BANK1: variants seen among roughly 807,000 people sequenced by gnomAD.
The protein encoded by BANK1 is B cell scaffold protein with ankyrin repeats 1.
BANK1 carries 95 observed loss-of-function variants against 94.5 expected under a neutral mutation model. The ratio of observed to expected loss-of-function variants is 1.00; its 90% CI spans 0.85 to 1.19. The LOEUF (loss-of-function observed/expected upper bound fraction) is 1.19, where lower values mean the gene tolerates loss of function less well. BANK1 is among the 50% of genes most tolerant of loss of function. BANK1 has a pLI of 0.00. For missense variants in BANK1, 987 were observed against 932.2 expected (o/e 1.06, Z -0.77); for synonymous variants, 334 against 308.4 (o/e 1.08, Z -0.87).
intron 1 of BANK1, among the ~76,000 whole-genome samples, chr4:101,822,923 T>G (rs1342189766): frequency 3.3e-5 from 5 of 152,140 alleles, no homozygotes; most frequent in Non-Finnish European, 7.4e-5. Context: ...CCACCACATT[T>G]TCTTTATCCA....
chr4:102,054,695 CAAA>C (rs1227425340), intron 11 of BANK1, among the ~76,000 whole-genome samples: 1 of 152,134 alleles, frequency 6.6e-6, no homozygotes, highest in East Asian at 1.9e-4. Context: ...AATGAAGACT[CAAA>C]GAAGCAGTTA....
chr4:101,978,839 C>T (rs1271156835), intron 7 of BANK1, among the ~76,000 whole-genome samples: 1 of 152,002 alleles, frequency 6.6e-6, no homozygotes, highest in East Asian at 1.9e-4. Context: ...TTATGTCACA[C>T]TTAACTAACA....
chr4:101,950,076 T>C (rs1211635657), intron 7 of BANK1, among the ~76,000 whole-genome samples: 1 of 150,338 alleles, frequency 6.7e-6, no homozygotes, highest in African/African-American at 2.5e-5. Context: ...TGCGCGCGCA[T>C]GTGCCTACAC....
chr4:101,930,021 T>G (rs1167413428), intron 7 of BANK1, among the ~76,000 whole-genome samples: 2 of 151,338 alleles, frequency 1.3e-5, no homozygotes, highest in Non-Finnish European at 3.0e-5. Flanking sequence ...ATGTAATAAT[T>G]AATATATTAA....
chr4:101,952,934 C>G (rs111737699), intron 7 of BANK1, among the ~76,000 whole-genome samples: 1 of 151,946 alleles, frequency 6.6e-6, no homozygotes, highest in Admixed American at 6.6e-5. Flanking sequence ...TTTTTTCTGT[C>G]GTAATAACCA....
rs565432515 is a variant in BANK1 at position 101,934,956 on chromosome 4, C to G, written c.1206+16767C>G. On this transcript the variant is annotated intron_variant, in intron 7 of 16. Transcript: ENST00000322953. ...TGTCATCTTCTTCATGAGGTCTCCT[C>G]TGACCATACTATTTAAAATTGCCAA... 1.4e-4 allele frequency among the ~76,000 whole-genome samples: 21 copies of G among 151,592 alleles called. No homozygotes were observed. In the South Asian group the frequency reaches 1.5e-3, roughly 10 times the overall value.
intron 2 of BANK1, among the ~76,000 whole-genome samples, chr4:101,845,394 G>A (rs79201444): frequency 0.046 from 7,041 of 152,096 alleles, 234 homozygotes; most frequent in South Asian, 0.094. Context: ...AGATTAATAT[G>A]TTGATTAATA....
At chr4:102,070,369 T>G (rs1230536193) in intron 13 of BANK1, among the ~76,000 whole-genome samples, 1 of 152,182 alleles carries the variant, frequency 6.6e-6, no homozygotes, top group Non-Finnish European at 1.5e-5. Flanking sequence ...GAAAGTTGTA[T>G]GCATGCCCAC....
At chr4:101,848,043 C>G (rs1458132579) in intron 2 of BANK1, among the ~76,000 whole-genome samples, 2 of 152,204 alleles carry the variant, frequency 1.3e-5, no homozygotes, top group African/African-American at 4.8e-5. Flanking sequence ...TTTCTGCTAC[C>G]TCCTCTACCT....
chr4:102,053,273 G>A (rs1728116167), intron 11 of BANK1, among the ~76,000 whole-genome samples: 1 of 152,082 alleles, frequency 6.6e-6, no homozygotes, highest in African/African-American at 2.4e-5. Context: ...AGATTGAGTG[G>A]GCTCACTATG....
At chr4:101,943,962 T>TGCA (rs1409503788) in intron 7 of BANK1, among the ~76,000 whole-genome samples, 1 of 151,784 alleles carries the variant, frequency 6.6e-6, no homozygotes. Flanking sequence ...AAATAGTATA[T>TGCA]GCAGTTTGCT....
At chr4:101,877,870 G>A (rs1728548206) in intron 5 of BANK1, among the ~76,000 whole-genome samples, 3 of 152,142 alleles carry the variant, frequency 2.0e-5, no homozygotes, top group African/African-American at 7.2e-5. Context: ...GGGTGACCAA[G>A]CAAGACTCTG....
intron 7 of BANK1, among the ~76,000 whole-genome samples, chr4:101,938,272 GA>G (rs1723639379): frequency 2.0e-5 from 3 of 151,390 alleles, no homozygotes; most frequent in Non-Finnish European, 1.5e-5. Flanking sequence ...ATAGAGATAG[GA>G]ATAAAATGAT....
At chr4:101,993,779 A>G (rs1447400467) in intron 7 of BANK1, among the ~76,000 whole-genome samples, 1 of 152,230 alleles carries the variant, frequency 6.6e-6, no homozygotes, top group African/African-American at 2.4e-5. Flanking sequence ...GGCACAACAC[A>G]GTAGATGATG....
chr4:101,790,847 G>T lies in BANK1; in HGVS notation c.-34G>T. ...GAGTCCAGGTAGCGCTCGGCGGGCA[G>T]CAGTGCGCAGGCCCCTCGGCTTCAA... On this transcript the variant is annotated 5_prime_UTR_variant, in exon 1 of 17. Coordinates refer to ENST00000322953, the MANE Select transcript of BANK1 (RefSeq NM_017935.5). 1 of 1,532,598 alleles carries T rather than the reference G, an allele frequency of 6.5e-7. No homozygotes were observed. Among genetic ancestry groups the T allele is most frequent in the African/African-American group, 1.4e-5 (1 of 72,744 alleles). The allele number at this position is 1,532,598 out of a possible 1,614,324, so 94.9% of individuals were successfully genotyped here.
At chr4:101,903,530 G>T (rs1022806535) in intron 6 of BANK1, among the ~76,000 whole-genome samples, 28 of 152,108 alleles carry the variant, frequency 1.8e-4, no homozygotes, top group Non-Finnish European at 2.9e-5. Flanking sequence ...ATGCTGAGTT[G>T]AAAAAATTAG....
At chr4:101,990,062 C>T (rs1266256792) in intron 7 of BANK1, among the ~76,000 whole-genome samples, 1 of 152,114 alleles carries the variant, frequency 6.6e-6, no homozygotes, top group African/African-American at 2.4e-5. Flanking sequence ...TATTAATTCT[C>T]CAATCCATTT....
At chr4:102,018,353 A>T (rs1438724017) in intron 7 of BANK1, among the ~76,000 whole-genome samples, 2 of 152,216 alleles carry the variant, frequency 1.3e-5, no homozygotes, top group African/African-American at 4.8e-5. Flanking sequence ...GCTGGTAAAA[A>T]TCACTCATAA....
At chr4:102,012,708 C>A (rs1381324402) in intron 7 of BANK1, among the ~76,000 whole-genome samples, 4 of 152,068 alleles carry the variant, frequency 2.6e-5, no homozygotes, top group Non-Finnish European at 5.9e-5. Flanking sequence ...AATGCAATGT[C>A]CAACAACTTG....
Sources: gnomAD v4.1 joint callset for allele counts (sites outside exome capture counted in the v4.1 genomes callset) on GRCh38, gnomAD v4.1.1 for gene constraint, MANE v1.5 for transcripts, NCBI Gene and HGNC (gene_info 2026-07-23, HGNC 2026-07-21) for gene names.